Variants in EPDR1 observed in about 807,000 individuals in gnomAD.
EPDR1 encodes mammalian ependymin-related protein 1.
EPDR1 carries 27 observed loss-of-function variants against 23.7 expected under a neutral mutation model. That is an observed-to-expected ratio of 1.14 (90% CI 0.84 to 1.57). The LOEUF is 1.57. Ranked by LOEUF, EPDR1 falls within the 40% of genes most tolerant of loss-of-function variation. EPDR1 has a pLI of 0.00. For synonymous variants in EPDR1, 137 were observed against 118.2 expected (o/e 1.16, Z -1.03); for missense variants, 349 against 290.4 (o/e 1.20, Z -1.47).
At chr7:37,931,915 A>G (rs56320329) in intron 1 of EPDR1, among the ~76,000 whole-genome samples, 7,397 of 152,192 alleles carry the variant, frequency 0.049, 244 homozygotes, top group Middle Eastern at 0.075. Context: ...TCACTGTGTT[A>G]GCCAGGATGG....
chr7:37,946,586 A>C (rs1000657248), intron 1 of EPDR1, among the ~76,000 whole-genome samples: 2 of 152,190 alleles, frequency 1.3e-5, no homozygotes, highest in Non-Finnish European at 2.9e-5. Flanking sequence ...CATAAAAGGT[A>C]ACTGTGAAAC....
At chr7:37,921,794 C>A (rs1253883257) in intron 1 of EPDR1, among the ~76,000 whole-genome samples, 1 of 152,108 alleles carries the variant, frequency 6.6e-6, no homozygotes, top group Non-Finnish European at 1.5e-5. Flanking sequence ...TATTTTAAAG[C>A]AAATTTTACA....
chr7:37,944,856 C>A (rs377435556), intron 1 of EPDR1, among the ~76,000 whole-genome samples: 23 of 152,280 alleles, frequency 1.5e-4, no homozygotes, highest in African/African-American at 4.8e-4. Context: ...AAGAAGGAAA[C>A]CCCCTCTCCT....
intron 1 of EPDR1, among the ~76,000 whole-genome samples, chr7:37,945,032 T>C (rs1786245416): frequency 6.6e-6 from 1 of 152,242 alleles, no homozygotes; most frequent in Non-Finnish European, 1.5e-5. Context: ...ACTTGTTTTT[T>C]GGGTGGCCCA....
At chr7:37,937,717 C>T (rs1354481056) in intron 1 of EPDR1, among the ~76,000 whole-genome samples, 1 of 152,094 alleles carries the variant, frequency 6.6e-6, no homozygotes. Flanking sequence ...AGATTGTTCA[C>T]CTAAAAAGTT....
chr7:37,939,393 A>ACTGCTG (rs1434934023), intron 1 of EPDR1, among the ~76,000 whole-genome samples: 6 of 152,174 alleles, frequency 3.9e-5, no homozygotes, highest in Non-Finnish European at 8.8e-5. Context: ...TTTATTTGTA[A>ACTGCTG]CTGCTGACTT....
At chr7:37,927,251 C>T (rs1294141387) in intron 1 of EPDR1, among the ~76,000 whole-genome samples, 2 of 152,172 alleles carry the variant, frequency 1.3e-5, no homozygotes, top group African/African-American at 4.8e-5. Flanking sequence ...ACATCCCTCC[C>T]CACACACACT....
At chr7:37,921,511 GC>G in intron 1 of EPDR1, 2 of 1,317,432 alleles carry the variant, frequency 1.5e-6, no homozygotes, top group Non-Finnish European at 1.9e-6. Flanking sequence ...GCCCAGGTTC[GC>G]CCCTGTTCTC....
intron 1 of EPDR1, among the ~76,000 whole-genome samples, chr7:37,946,853 AAG>A (rs1491415566): frequency 2.1e-4 from 31 of 145,234 alleles, no homozygotes; most frequent in South Asian, 1.1e-3. Flanking sequence ...TAAGGACATA[AAG>A]AAAATATTTT....
chr7:37,927,488 C>T lies in EPDR1; in HGVS notation c.269+6280C>T, dbSNP rs115088016. Among the ~76,000 whole-genome samples, 950 of 152,320 alleles carry T rather than the reference C, an allele frequency of 6.2e-3. 8 individuals are homozygous for T. The highest frequency in any genetic ancestry group is 0.022 in the African/African-American group (897 of 41,558). On this transcript the variant is annotated intron_variant, in intron 1 of 2. Transcript: ENST00000199448. ...GTATCATTACGCTGTCTCCTTCACA[C>T]ATGGGCTCTGCGCTCCAGGCCAGCC... is the stretch of plus-strand genomic sequence containing the variant.
At chr7:37,936,023 T>TATATATATATATATACAC (rs1786042431) in intron 1 of EPDR1, among the ~76,000 whole-genome samples, 2 of 99,656 alleles carry the variant, frequency 2.0e-5, no homozygotes, top group African/African-American at 3.6e-5. Context: ...TATATATATA[T>TATATATATATATATACAC]ATATATATAT....
chr7:37,933,402 CT>C (rs1785982251), intron 1 of EPDR1, among the ~76,000 whole-genome samples: 2 of 152,286 alleles, frequency 1.3e-5, no homozygotes, highest in South Asian at 2.1e-4. Context: ...CTCCTTCCCC[CT>C]GTTGAGAGCG....
intron 1 of EPDR1, among the ~76,000 whole-genome samples, chr7:37,923,946 T>A (rs1785765794): frequency 6.6e-6 from 1 of 152,210 alleles, no homozygotes; most frequent in Non-Finnish European, 1.5e-5. Flanking sequence ...ACCACTATCA[T>A]CATTATCCTG....
rs199808697 is a variant in EPDR1 at position 37,950,307 on chromosome 7, C to T, written c.586C>T (p.Leu196=). 3.7e-6 allele frequency: 6 copies of T among 1,614,094 alleles called. No homozygotes were observed. Among genetic ancestry groups the T allele is most frequent in the Non-Finnish European group, 4.2e-6 (5 of 1,180,002 alleles). Residue 196 remains leucine, a synonymous_variant, in exon 3 of 3, where the codon CTG becomes TTG. Transcript: ENST00000199448. ...ILSTRFFDIQ[L]GIKDPSVFTP... ...GTCTACGCGGTTTTTTGACATCCAG[C>T]TGGGTATTAAAGACCCCTCGGTGTT...
chr7:37,942,722 G>A (rs1786192172), intron 1 of EPDR1, among the ~76,000 whole-genome samples: 1 of 151,970 alleles, frequency 6.6e-6, no homozygotes, highest in Non-Finnish European at 1.5e-5. Flanking sequence ...GGCAATTTTT[G>A]CTTCCCTTTC....
chr7:37,946,516 C>T (rs985742191), intron 1 of EPDR1, among the ~76,000 whole-genome samples: 1 of 152,084 alleles, frequency 6.6e-6, no homozygotes, highest in African/African-American at 2.4e-5. Flanking sequence ...GTTTGTTGGC[C>T]ACATGTATGT....
At chr7:37,927,440 A>T (rs1785840358) in intron 1 of EPDR1, among the ~76,000 whole-genome samples, 1 of 151,914 alleles carries the variant, frequency 6.6e-6, no homozygotes, top group African/African-American at 2.4e-5. Flanking sequence ...CTTACTATTC[A>T]ATTGCAGTAG....
intron 1 of EPDR1, among the ~76,000 whole-genome samples, chr7:37,927,226 T>A (rs1785832110): frequency 6.6e-6 from 1 of 152,156 alleles, no homozygotes; most frequent in Non-Finnish European, 1.5e-5. Context: ...CAAGGGGTGT[T>A]AAGTTTGAAT....
At chr7:37,926,494 A>T (rs980492387) in intron 1 of EPDR1, among the ~76,000 whole-genome samples, 10 of 151,880 alleles carry the variant, frequency 6.6e-5, no homozygotes, top group African/African-American at 2.4e-4. Flanking sequence ...AAAAAAAAAA[A>T]AAAAGATTTA....
Sources: allele counts gnomAD v4.1 joint callset (sites outside exome capture counted in the v4.1 genomes callset), GRCh38; gene constraint gnomAD v4.1.1; transcripts MANE v1.5; gene names NCBI Gene and HGNC (gene_info 2026-07-23, HGNC 2026-07-21).